Variants in FBXO34 observed in about 807,000 individuals in gnomAD.
FBXO34 encodes F-box only protein 34.
In FBXO34, 12 loss-of-function variants were observed where a neutral mutation model predicts 24.5. The ratio of observed to expected loss-of-function variants is 0.49; its 90% CI spans 0.31 to 0.79. The LOEUF (loss-of-function observed/expected upper bound fraction) is 0.79. Among genes scored for constraint, FBXO34 ranks in the 30% least tolerant of loss-of-function variants. The pLI is 0.04. For synonymous variants in FBXO34, 320 were observed against 311.9 expected (o/e 1.03, Z -0.27); for missense variants, 823 against 857.7 (o/e 0.96, Z 0.51).
At chr14:55,411,462 G>A in the FBXO34 span, 2 of 844,396 alleles carry the variant, frequency 2.4e-6, no homozygotes, top group South Asian at 1.8e-5. Flanking sequence ...CCGGTGCAGA[G>A]CAGCTAGCTA....
chr14:55,275,430 TATATC>T (rs1282295582), intron 1 of FBXO34, among the ~76,000 whole-genome samples: 2 of 152,174 alleles, frequency 1.3e-5, no homozygotes, highest in African/African-American at 4.8e-5. Flanking sequence ...ACAGAGATGA[TATATC>T]CTTGCTGCAA....
downstream of FBXO34, chr14:55,369,782 G>A: frequency 1.2e-6 from 2 of 1,614,184 alleles, no homozygotes; most frequent in Non-Finnish European, 1.7e-6. Flanking sequence ...CCGGGGACTA[G>A]GCAAGTTCTC....
At chr14:55,419,246 T>C in the FBXO34 span, among the ~76,000 whole-genome samples, 23 of 152,324 alleles carry the variant, frequency 1.5e-4, no homozygotes, top group East Asian at 3.7e-3. Context: ...TATCGTTAAG[T>C]TTACTAAGCC....
At chr14:55,327,799 A>G (rs1276411905) in intron 1 of FBXO34, among the ~76,000 whole-genome samples, 2 of 150,862 alleles carry the variant, frequency 1.3e-5, no homozygotes, top group African/African-American at 4.9e-5. Flanking sequence ...GCCAAACCCT[A>G]TATATATTGT....
chr14:55,372,477 C>G (rs113415172), downstream of FBXO34, among the ~76,000 whole-genome samples: 170 of 152,266 alleles, frequency 1.1e-3, 1 homozygote, highest in African/African-American at 3.9e-3. Flanking sequence ...GGCTAAGTCT[C>G]TCATCTTCCC....
chr14:55,375,906 TGTA>T, the FBXO34 span, among the ~76,000 whole-genome samples: 2 of 152,230 alleles, frequency 1.3e-5, no homozygotes, highest in Admixed American at 6.5e-5. Flanking sequence ...TAACTTTCCT[TGTA>T]GGTTTATGAT....
chr14:55,311,646 G>T (rs1046135412), intron 1 of FBXO34, among the ~76,000 whole-genome samples: 1 of 152,194 alleles, frequency 6.6e-6, no homozygotes, highest in Admixed American at 6.5e-5. Flanking sequence ...CCAAGTGAGA[G>T]AAATTAGCCC....
the FBXO34 span, among the ~76,000 whole-genome samples, chr14:55,381,691 G>T: frequency 6.6e-6 from 1 of 152,318 alleles, no homozygotes; most frequent in Admixed American, 6.5e-5. Flanking sequence ...AAGCTGCCCA[G>T]AACAGGCAAA....
chr14:55,362,044 G>T (rs1400725709), downstream of FBXO34: 1 of 152,208 alleles, frequency 6.6e-6, no homozygotes, highest in Non-Finnish European at 1.5e-5. Flanking sequence ...CTTTCAGCCT[G>T]TCTTGGCTTT....
At chr14:55,286,138 C>G (rs539648587) in intron 1 of FBXO34, among the ~76,000 whole-genome samples, 17 of 152,234 alleles carry the variant, frequency 1.1e-4, no homozygotes, top group African/African-American at 4.1e-4. Flanking sequence ...GAAAATTAAT[C>G]TCTACCTCTT....
the FBXO34 span, among the ~76,000 whole-genome samples, chr14:55,439,618 C>CCCCCCCCCCCCCCCT: frequency 5.0e-5 from 3 of 60,236 alleles, no homozygotes; most frequent in African/African-American, 1.5e-4. Context: ...AAGCAAACCC[C>CCCCCCCCCCCCCCCT]CCCCCGTCTC....
At chr14:55,278,298 A>G (rs1230357678) in intron 1 of FBXO34, among the ~76,000 whole-genome samples, 1 of 152,196 alleles carries the variant, frequency 6.6e-6, no homozygotes, top group East Asian at 1.9e-4. Context: ...GACGAAGTTA[A>G]GCTTTTTCTA....
In FBXO34 at chr14:55,332,325, A is replaced by G. The variant is rs931465718; in HGVS notation, c.-10-18056A>G. ...GGCATTTTTCTCACCTATACATTCC[A>G]TACATAGTAGCAATAATTATGGCAA... is the stretch of plus-strand genomic sequence containing the variant. On this transcript the variant is annotated intron_variant, in intron 1 of 1. Coordinates refer to ENST00000313833, the MANE Select transcript of FBXO34 (RefSeq NM_017943.4). Among the ~76,000 whole-genome samples the G allele has an allele frequency of 1.3e-4, 20 of 152,088 alleles. No individual in the cohort carries two copies. In the East Asian group the frequency reaches 3.5e-3, roughly 26 times the overall value.
chr14:55,326,916 CGTT>C (rs1371565472), intron 1 of FBXO34, among the ~76,000 whole-genome samples: 2 of 151,930 alleles, frequency 1.3e-5, no homozygotes, highest in African/African-American at 4.8e-5. Context: ...GTGTGTATAA[CGTT>C]ATTATTTTGG....
At chr14:55,397,317 A>C in the FBXO34 span, 1 of 1,475,056 alleles carries the variant, frequency 6.8e-7, no homozygotes, top group Non-Finnish European at 9.5e-7. Flanking sequence ...ACTGAATTCA[A>C]CCAAATGTTG....
the FBXO34 span, among the ~76,000 whole-genome samples, chr14:55,376,506 C>T: frequency 2.0e-5 from 3 of 152,032 alleles, no homozygotes; most frequent in South Asian, 2.1e-4. Flanking sequence ...AGTTTCCTGG[C>T]GAGTTCACAG....
the FBXO34 span, chr14:55,424,405 T>C: frequency 1.8e-6 from 1 of 554,042 alleles, no homozygotes; most frequent in Non-Finnish European, 3.2e-6. Flanking sequence ...TGATGAAGAG[T>C]CTTGAGTGTC....
chr14:55,345,709 T>C (rs1884138274), intron 1 of FBXO34, among the ~76,000 whole-genome samples: 1 of 152,180 alleles, frequency 6.6e-6, no homozygotes, highest in African/African-American at 2.4e-5. Context: ...TTTCTGATAA[T>C]AAACAGGTAG....
At chr14:55,418,798 C>T in the FBXO34 span, among the ~76,000 whole-genome samples, 2 of 152,170 alleles carry the variant, frequency 1.3e-5, no homozygotes, top group African/African-American at 4.8e-5. Context: ...AGCAAAATTC[C>T]AGTCTTTGTC....
Sources: allele counts gnomAD v4.1 joint callset (sites outside exome capture counted in the v4.1 genomes callset), GRCh38; gene constraint gnomAD v4.1.1; transcripts MANE v1.5; gene names NCBI Gene and HGNC (gene_info 2026-07-23, HGNC 2026-07-21).